Variants in RSU1 observed in about 807,000 individuals in gnomAD.
The protein encoded by RSU1 is rsu-1.
In RSU1, 26 loss-of-function variants were observed where a neutral mutation model predicts 31.1. The ratio of observed to expected loss-of-function variants is 0.84; its 90% CI spans 0.61 to 1.16. The LOEUF (loss-of-function observed/expected upper bound fraction) is 1.16. Among genes scored for constraint, RSU1 ranks in the 50% most tolerant of loss-of-function variants. The pLI is 0.00. For synonymous variants in RSU1, 164 were observed against 136.3 expected (o/e 1.20, Z -1.41); for missense variants, 320 against 339.1 (o/e 0.94, Z 0.44).
intron 8 of RSU1, among the ~76,000 whole-genome samples, chr10:16,674,341 A>C (rs1835181099): frequency 6.6e-6 from 1 of 152,022 alleles, no homozygotes; most frequent in African/African-American, 2.4e-5. Context: ...AAATCTGAGC[A>C]ACTCAGACAC....
intron 8 of RSU1, among the ~76,000 whole-genome samples, chr10:16,604,774 G>A (rs1299897897): frequency 4.6e-5 from 7 of 152,182 alleles, no homozygotes; most frequent in Admixed American, 4.6e-4. Flanking sequence ...ACATGACTCA[G>A]TCTTAGGTCC....
At chr10:16,645,872 A>AGAAAGCAGT (rs1564298105) in intron 8 of RSU1, among the ~76,000 whole-genome samples, 1 of 115,974 alleles carries the variant, frequency 8.6e-6, no homozygotes, top group African/African-American at 4.4e-5. Context: ...GTATATATAC[A>AGAAAGCAGT]TATATGTGTA....
rs116443722 is a variant in RSU1 at position 16,664,084 on chromosome 10, T to C, written c.731+30939A>G. On this transcript the variant is annotated intron_variant, in intron 8 of 8. Transcript: ENST00000345264. ...GGTACCAACACTGACCTTTCCTTTA[T>C]TGCAAATTTTATAGAACCTACTAAA... Among the ~76,000 whole-genome samples the C allele has an allele frequency of 9.1e-3, 1,388 of 152,286 alleles. 26 individuals carry two copies. Among genetic ancestry groups the C allele is most frequent in the African/African-American group, 0.031 (1,304 of 41,550 alleles).
chr10:16,814,200 G>A, intron 2 of RSU1, among the ~76,000 whole-genome samples: 1 of 152,124 alleles, frequency 6.6e-6, no homozygotes, highest in Non-Finnish European at 1.5e-5. Context: ...AGCACTTTAG[G>A]AGGCCAAGAT....
intron 7 of RSU1, among the ~76,000 whole-genome samples, chr10:16,738,841 T>C (rs1836690768): frequency 1.3e-5 from 2 of 152,012 alleles, no homozygotes; most frequent in South Asian, 4.2e-4. Flanking sequence ...GTATTTGTCC[T>C]AATGCTCTCC....
At chr10:16,676,958 G>C (rs371922705) in intron 8 of RSU1, among the ~76,000 whole-genome samples, 14 of 152,144 alleles carry the variant, frequency 9.2e-5, no homozygotes, top group African/African-American at 3.4e-4. Context: ...CTAAGGAGCT[G>C]GCAGTAGGAA....
intron 8 of RSU1, among the ~76,000 whole-genome samples, chr10:16,639,281 A>G (rs1408914652): frequency 6.6e-6 from 1 of 152,244 alleles, no homozygotes; most frequent in African/African-American, 2.4e-5. Context: ...TTATCCAGTT[A>G]CTATAATTAA....
chr10:16,646,168 A>C (rs1834567122), intron 8 of RSU1, among the ~76,000 whole-genome samples: 1 of 151,354 alleles, frequency 6.6e-6, no homozygotes, highest in African/African-American at 2.4e-5. Flanking sequence ...TTCTGGAACC[A>C]CTGGGCACAG....
chr10:16,764,367 C>T (rs765335293), intron 4 of RSU1, 23 bp downstream of exon 4: 21 of 1,601,548 alleles, frequency 1.3e-5, no homozygotes, highest in Non-Finnish European at 1.7e-5. Context: ...CCTCTCCATC[C>T]TTTCCGCTCC....
chr10:16,709,762 T>C (rs1254968533), intron 7 of RSU1, among the ~76,000 whole-genome samples: 1 of 152,204 alleles, frequency 6.6e-6, no homozygotes, highest in Non-Finnish European at 1.5e-5. Context: ...ATGAGCATTT[T>C]TTCATGTGTC....
Position 16,695,165 on chromosome 10 carries a change from G to C in RSU1, c.599-10C>G, listed in dbSNP as rs201514309. The C allele has an allele frequency of 9.1e-6, 13 of 1,430,870 alleles. No homozygotes were observed. The highest frequency in any genetic ancestry group is 1.9e-4 in the Middle Eastern group (1 of 5,388). The allele number at this position is 1,430,870 out of a possible 1,614,324, so 88.6% of individuals were successfully genotyped here. On this transcript the variant is annotated splice_polypyrimidine_tract_variant and intron_variant, in intron 7 of 8. Coordinates refer to ENST00000345264, the MANE Select transcript of RSU1 (RefSeq NM_012425.4). ...GTTAAATCCAAGTTTCCTGGGGGGGGGGAAAAAAAAAGTGAAGGTCACTTC... is the reference window on the plus strand; with the variant it reads ...GTTAAATCCAAGTTTCCTGGGGGGGCGGAAAAAAAAAGTGAAGGTCACTTC...
chr10:16,723,689 C>T (rs80048251), intron 7 of RSU1, among the ~76,000 whole-genome samples: 1,748 of 152,248 alleles, frequency 0.011, 41 homozygotes, highest in African/African-American at 0.039. Flanking sequence ...CTTCAGATGG[C>T]TTGGCAGGTG....
At chr10:16,752,407 C>T in intron 7 of RSU1, 132 bp downstream of exon 7, 2 of 675,866 alleles carry the variant, frequency 3.0e-6, no homozygotes, top group East Asian at 2.7e-5. Context: ...AAATGGTTCT[C>T]AAATGATCAG....
At chr10:16,782,162 G>A (rs983557387) in intron 2 of RSU1, 78 bp from the exon 3 acceptor site, 1 of 1,129,720 alleles carries the variant, frequency 8.9e-7, no homozygotes, top group Middle Eastern at 2.4e-4. Context: ...CTCCTACAAA[G>A]CAAACGGCAA....
intron 7 of RSU1, among the ~76,000 whole-genome samples, chr10:16,702,754 C>G (rs573815916): frequency 6.6e-6 from 1 of 152,248 alleles, no homozygotes; most frequent in South Asian, 2.1e-4. Context: ...AGACTTTGGA[C>G]TTTTGAGTTA....
intron 8 of RSU1, among the ~76,000 whole-genome samples, chr10:16,630,616 C>G (rs1299191469): frequency 6.6e-6 from 1 of 152,184 alleles, no homozygotes; most frequent in African/African-American, 2.4e-5. Flanking sequence ...CCCAGACTGT[C>G]TCTTTGTGAG....
chr10:16,715,004 T>G (rs1022325882), intron 7 of RSU1, among the ~76,000 whole-genome samples: 1 of 152,160 alleles, frequency 6.6e-6, no homozygotes, highest in Admixed American at 6.5e-5. Context: ...CATTTCCCCA[T>G]AAACAGCACC....
rs981144490 is a variant in RSU1, at chr10:16,690,621, C to A, written c.731+4402G>T. Among the ~76,000 whole-genome samples, 19 of 152,274 alleles carry A rather than the reference C, an allele frequency of 1.2e-4. No homozygotes were observed. In the East Asian group the frequency reaches 3.7e-3, roughly 29 times the overall value. ...GAATTCATTGTTTTCTTTCAAGTAT[C>A]CATGTCTCCTCTTGGAGTCCATTAG... On this transcript the variant is annotated intron_variant, in intron 8 of 8. Coordinates refer to ENST00000345264, the MANE Select transcript of RSU1 (RefSeq NM_012425.4).
intron 8 of RSU1, among the ~76,000 whole-genome samples, chr10:16,673,956 C>G (rs1489881362): frequency 6.6e-6 from 1 of 152,118 alleles, no homozygotes; most frequent in Non-Finnish European, 1.5e-5. Context: ...GCCAATTTAC[C>G]TTTTATAGGC....
Sources: gnomAD v4.1 joint callset for allele counts (sites outside exome capture counted in the v4.1 genomes callset) on GRCh38, gnomAD v4.1.1 for gene constraint, MANE v1.5 for transcripts, NCBI Gene and HGNC (gene_info 2026-07-23, HGNC 2026-07-21) for gene names.